The following KAT6B variants were observed in gnomAD, a reference collection of about 807,000 sequenced individuals.
The protein encoded by KAT6B is histone acetyltransferase KAT6B.
KAT6B carries 10 observed loss-of-function variants against 187.5 expected under a neutral mutation model. The observed-to-expected ratio is 0.05, with a 90% confidence interval of 0.03 to 0.09. The LOEUF (loss-of-function observed/expected upper bound fraction) is 0.09. KAT6B is among the 10% of genes least tolerant of loss of function. The pLI is 1.00. For missense variants in KAT6B, 1,952 were observed against 2,558.9 expected (o/e 0.76, Z 5.12); for synonymous variants, 861 against 926.8 (o/e 0.93, Z 1.29).
intron 13 of KAT6B, among the ~76,000 whole-genome samples, chr10:75,014,682 G>T (rs887852676): frequency 6.6e-6 from 1 of 152,198 alleles, no homozygotes; most frequent in African/African-American, 2.4e-5. Flanking sequence ...TAGAGGTGCA[G>T]AATCTCAAGC....
chr10:74,937,601 G>T (rs1230433594), intron 3 of KAT6B, among the ~76,000 whole-genome samples: 1 of 152,190 alleles, frequency 6.6e-6, no homozygotes, highest in Non-Finnish European at 1.5e-5. Flanking sequence ...TACAGTGATG[G>T]TGAACTTGAT....
intron 3 of KAT6B, among the ~76,000 whole-genome samples, chr10:74,898,367 G>A (rs1460571855): frequency 1.3e-5 from 2 of 151,904 alleles, no homozygotes; most frequent in African/African-American, 4.8e-5. Context: ...GATCATGTTT[G>A]CACATAGCAC....
rs775073334 is a variant in KAT6B, at chr10:75,021,216, T to C, written c.2952T>C (p.Ser984=). 6.2e-7 allele frequency: 1 copy of C among 1,614,170 alleles called. No homozygotes were observed. The highest frequency in any genetic ancestry group is 1.1e-5 in the South Asian group (1 of 91,086). The change falls in exon 15 of 18, where the codon AGT becomes AGC. Residue 984 remains serine (S), a synonymous_variant. Transcript: ENST00000287239. Reference sequence around the variant, plus strand: ...GAGCCAATGAACTTGATCCAGACAGTCTGAGGTGGACCCCAATTTTAATTT... The same window carrying C: ...GAGCCAATGAACTTGATCCAGACAGCCTGAGGTGGACCCCAATTTTAATTT... ...CSRANELDPD[S]LRWTPILISN... is the part of the protein sequence containing the mutation.
chr10:74,939,603 A>G (rs933771262), intron 3 of KAT6B, among the ~76,000 whole-genome samples: 1 of 151,578 alleles, frequency 6.6e-6, no homozygotes, highest in African/African-American at 2.4e-5. Context: ...GTCTCACCAT[A>G]TTGGCCAGGC....
At chr10:74,950,786 T>A (rs932028858) in intron 3 of KAT6B, among the ~76,000 whole-genome samples, 1 of 152,170 alleles carries the variant, frequency 6.6e-6, no homozygotes, top group African/African-American at 2.4e-5. Flanking sequence ...TTACCAGTAA[T>A]AAGGCACCAA....
chr10:74,914,450 T>C (rs925851441), intron 3 of KAT6B, among the ~76,000 whole-genome samples: 5 of 152,238 alleles, frequency 3.3e-5, no homozygotes, highest in Non-Finnish European at 5.9e-5. Context: ...TAGATGCTTA[T>C]AACTAATGTG....
chr10:74,872,054 A>G (rs767336311), intron 3 of KAT6B, among the ~76,000 whole-genome samples: 26 of 152,238 alleles, frequency 1.7e-4, no homozygotes, highest in Admixed American at 2.6e-4. Context: ...ATTATGGCAC[A>G]TACGAGAGCA....
At chr10:74,866,478 A>G (rs946716370) in intron 3 of KAT6B, among the ~76,000 whole-genome samples, 1 of 152,140 alleles carries the variant, frequency 6.6e-6, no homozygotes, top group Admixed American at 6.6e-5. Context: ...TGCTACTTCA[A>G]CTTTTCTGTA....
At chr10:74,963,117 T>C (rs1025976625) in intron 4 of KAT6B, among the ~76,000 whole-genome samples, 10 of 152,096 alleles carry the variant, frequency 6.6e-5, no homozygotes, top group African/African-American at 9.7e-5. Flanking sequence ...ATGAGACAAA[T>C]GTGAAGGATT....
In KAT6B at chr10:75,028,658, A is replaced by G. The variant is rs777272076; in HGVS notation, c.3834A>G (p.Glu1278=). 5.6e-5 allele frequency: 91 copies of G among 1,614,048 alleles called. No homozygotes were observed. The highest frequency in any genetic ancestry group is 7.5e-5 in the Non-Finnish European group (89 of 1,180,050). Residue 1278 remains glutamate, a synonymous_variant, in exon 18 of 18, where the codon GAA becomes GAG. Coordinates refer to ENST00000287239, the MANE Select transcript of KAT6B (RefSeq NM_012330.4). ...AACTGAATTTGTACACCCCGCCAGAAACACCCATGGAGCCTGACGAGCAGG... is the reference window on the plus strand; with the variant it reads ...AACTGAATTTGTACACCCCGCCAGAGACACCCATGGAGCCTGACGAGCAGG... The part of the protein sequence containing the change: ...GFKLNLYTPP[E]TPMEPDEQVT...
chr10:74,969,684 G>T lies in KAT6B; in HGVS notation c.755G>T (p.Cys252Phe). The change falls in exon 5 of 18, where the codon TGT becomes TTT. Residue 252 changes from cysteine to phenylalanine, a missense_variant. Physicochemically the swap from Cys to Phe is radical, Grantham distance 205. Coordinates refer to ENST00000287239, the MANE Select transcript of KAT6B (RefSeq NM_012330.4). ...SSGHPSCLKF[C>F]PELTTNVKAL... ...GGACACCCATCCTGTTTGAAATTTT[G>T]TCCTGAATTAACAACAAATGTAAAG... 1 of 1,613,570 alleles carries T rather than the reference G, an allele frequency of 6.2e-7. No homozygotes were observed. Among genetic ancestry groups the T allele is most frequent in the Non-Finnish European group, 8.5e-7 (1 of 1,179,506 alleles).
At chr10:74,973,780 T>G (rs936907657) in intron 7 of KAT6B, among the ~76,000 whole-genome samples, 3 of 152,166 alleles carry the variant, frequency 2.0e-5, no homozygotes, top group Non-Finnish European at 4.4e-5. Context: ...ATGAATAAAA[T>G]CTTTCATGGT....
chr10:74,880,353 T>G (rs1272504158), intron 3 of KAT6B, among the ~76,000 whole-genome samples: 1 of 152,242 alleles, frequency 6.6e-6, no homozygotes, highest in Non-Finnish European at 1.5e-5. Flanking sequence ...AATCACTGGC[T>G]TCTTTCACTG....
At chr10:74,928,673 G>T (rs56970937) in intron 3 of KAT6B, among the ~76,000 whole-genome samples, 3,433 of 152,206 alleles carry the variant, frequency 0.023, 128 homozygotes, top group African/African-American at 0.078. Context: ...TTTGGAGAAA[G>T]AAATATTTAG....
intron 3 of KAT6B, among the ~76,000 whole-genome samples, chr10:74,899,108 C>T (rs1846198684): frequency 1.3e-5 from 2 of 150,638 alleles, no homozygotes; most frequent in Admixed American, 1.3e-4. Flanking sequence ...TTGCAGTGAG[C>T]TGAGATTGCG....
chr10:74,955,615 C>T (rs1840633115), intron 3 of KAT6B, among the ~76,000 whole-genome samples: 1 of 151,850 alleles, frequency 6.6e-6, no homozygotes, highest in African/African-American at 2.4e-5. Flanking sequence ...AAGTTACTCT[C>T]CAATCATAAC....
intron 3 of KAT6B, among the ~76,000 whole-genome samples, chr10:74,938,450 T>C (rs1470130871): frequency 1.3e-5 from 2 of 151,650 alleles, no homozygotes; most frequent in Admixed American, 1.3e-4. Flanking sequence ...GGGCAGGTAA[T>C]TGGAAAGAAG....
At chr10:74,929,453 A>T (rs1405949647) in intron 3 of KAT6B, among the ~76,000 whole-genome samples, 1 of 152,228 alleles carries the variant, frequency 6.6e-6, no homozygotes, top group African/African-American at 2.4e-5. Context: ...TGGCAGTATT[A>T]GTCATACATT....
chr10:74,884,730 G>A (rs767470913), intron 3 of KAT6B, among the ~76,000 whole-genome samples: 4 of 152,002 alleles, frequency 2.6e-5, no homozygotes, highest in African/African-American at 9.7e-5. Flanking sequence ...CACCATGCCC[G>A]GCTGATTTTT....
Sources: allele counts gnomAD v4.1 joint callset (sites outside exome capture counted in the v4.1 genomes callset), GRCh38; gene constraint gnomAD v4.1.1; transcripts MANE v1.5; gene names NCBI Gene and HGNC (gene_info 2026-07-23, HGNC 2026-07-21).